CAPN15: variants seen among roughly 807,000 people sequenced by gnomAD.
The protein encoded by CAPN15 is calpain-15.
Under a neutral mutation model 97.9 loss-of-function variants are expected in CAPN15, and 53 were observed. That is an observed-to-expected ratio of 0.54 (90% CI 0.43 to 0.68). The LOEUF (loss-of-function observed/expected upper bound fraction) is 0.68, where lower values mean the gene tolerates loss of function less well. Ranked by LOEUF, CAPN15 falls within the 30% of genes least tolerant of loss-of-function variation. The probability of loss-of-function intolerance (pLI) is 0.00; values close to 1 mark genes in which losing one functional copy is unlikely to be tolerated. For missense variants in CAPN15, 1,592 were observed against 1,589.8 expected, an observed-to-expected ratio of 1.00 and a Z score of -0.02; for synonymous variants, 922 against 722.5, an observed-to-expected ratio of 1.28 and a Z score of -4.43.
intron 3 of CAPN15, among the ~76,000 whole-genome samples, chr16:542,205 G>A (rs1429411304): frequency 1.3e-5 from 2 of 152,264 alleles, no homozygotes; most frequent in African/African-American, 4.8e-5. Context: ...TGGACGCTAG[G>A]ACTGCTTCCA....
chr16:539,942 C>A, intron 3 of CAPN15: 1 of 390,914 alleles, frequency 2.6e-6, no homozygotes, highest in Non-Finnish European at 3.5e-6. Flanking sequence ...CGAAGTCGGG[C>A]CGCAGGCCCT....
Position 554,328 on chromosome 16 carries a change from C to T in CAPN15, c.*812C>T, listed in dbSNP as rs1401899277. Reference sequence around the variant, plus strand: ...CCACAGAAGCCCAGGAGTGTGTGGACGTCTGAGCCCAGCTTTCTGCGTGCC... The same window carrying T: ...CCACAGAAGCCCAGGAGTGTGTGGATGTCTGAGCCCAGCTTTCTGCGTGCC... On this transcript the variant is annotated 3_prime_UTR_variant, in exon 14 of 14. Coordinates refer to ENST00000219611, the MANE Select transcript of CAPN15 (RefSeq NM_005632.3). 1.9e-5 allele frequency: 7 copies of T among 367,066 alleles called. No individual in the cohort carries two copies. The highest frequency in any genetic ancestry group is 7.3e-5 in the East Asian group (1 of 13,772). The allele number at this position is 367,066 out of a possible 1,614,324, so 22.7% of individuals were successfully genotyped here. A position where few individuals can be genotyped will look rare whatever the true frequency, so the allele number is the denominator to read the frequency against.
intron 1 of CAPN15, among the ~76,000 whole-genome samples, chr16:529,594 C>T (rs558519160): frequency 4.5e-4 from 69 of 152,348 alleles, no homozygotes; most frequent in African/African-American, 1.6e-3. Flanking sequence ...AGGTGTTGTT[C>T]ATGGGCCTGA....
At chr16:528,562 C>T (rs1215652259) in intron 1 of CAPN15, among the ~76,000 whole-genome samples, 1 of 152,212 alleles carries the variant, frequency 6.6e-6, no homozygotes, top group Non-Finnish European at 1.5e-5. Context: ...GGGGCTGCTG[C>T]GGCACCAGCT....
chr16:536,992 T>C (rs945254521), intron 3 of CAPN15: 7 of 351,658 alleles, frequency 2.0e-5, no homozygotes, highest in Non-Finnish European at 2.8e-5. Context: ...ACGGGGCTCT[T>C]GACTCCTCTG....
At chr16:537,509 G>A in intron 3 of CAPN15, 5 of 926,408 alleles carry the variant, frequency 5.4e-6, no homozygotes, top group Non-Finnish European at 5.2e-6. Flanking sequence ...CACACAGAAC[G>A]GGCAGGGCTC....
In CAPN15 at chr16:547,538, C is replaced by T. The variant is rs1187584238; in HGVS notation, c.700C>T (p.Pro234Ser). The T allele has an allele frequency of 6.3e-7, 1 of 1,597,774 alleles. No homozygotes were observed. The highest frequency in any genetic ancestry group is 1.1e-5 in the South Asian group (1 of 91,024). The change falls in exon 4 of 14, where the codon CCC becomes TCC. Residue 234 changes from proline (P) to serine (S), a missense_variant. Pro to Ser is a moderately conservative substitution (Grantham distance 74). This residue lies in a region of CAPN15 where 883 missense variants were observed against 776.6 expected (regional missense o/e 1.14). Coordinates refer to ENST00000219611, the MANE Select transcript of CAPN15 (RefSeq NM_005632.3). Reference protein sequence around the residue: ...PEPPRVPPFSPFSSTLQNNPV... With the variant: ...PEPPRVPPFSSFSSTLQNNPV... Reference sequence around the variant, plus strand: ...GCCGCCCAGGGTCCCGCCCTTCAGCCCCTTCTCGTCCACCCTGCAGAACAA... The same window carrying T: ...GCCGCCCAGGGTCCCGCCCTTCAGCTCCTTCTCGTCCACCCTGCAGAACAA...
In CAPN15 at chr16:547,633, G is replaced by A. The variant is rs749893120; in HGVS notation, c.795G>A (p.Pro265=). ...LQPPVPEAAQ[P]SPSAGCRGAP... ...CACCGGTGCCTGAGGCTGCCCAGCCGTCACCCTCTGCCGGCTGCAGGGGAG... is the reference window on the plus strand; with the variant it reads ...CACCGGTGCCTGAGGCTGCCCAGCCATCACCCTCTGCCGGCTGCAGGGGAG... The change falls in exon 4 of 14, where the codon CCG becomes CCA. Residue 265 remains proline (P), a synonymous_variant. Transcript: ENST00000219611. The A allele has an allele frequency of 2.1e-5, 33 of 1,568,104 alleles. No homozygotes were observed. Among genetic ancestry groups the A allele is most frequent in the East Asian group, 1.4e-4 (6 of 44,038 alleles).
Position 553,945 on chromosome 16 carries a change from G to A in CAPN15, c.*429G>A, listed in dbSNP as rs545242676. On this transcript the variant is annotated 3_prime_UTR_variant, in exon 14 of 14. Coordinates refer to ENST00000219611, the MANE Select transcript of CAPN15 (RefSeq NM_005632.3). ...GGGACCACCCCTCACGGGGCATAAG[G>A]TCAGTTTTCCCCCAGAGCCCGGGTC... 5.8e-5 allele frequency: 11 copies of A among 189,616 alleles called. No homozygotes were observed. In the East Asian group the frequency reaches 1.8e-3, roughly 30 times the overall value. The allele number at this position is 189,616 out of a possible 1,614,324, so 11.7% of individuals were successfully genotyped here.
chr16:549,353 G>A lies in CAPN15; in HGVS notation c.1724G>A (p.Arg575His), dbSNP rs1472167786. 3.1e-6 allele frequency: 5 copies of A among 1,596,104 alleles called. No homozygotes were observed. The highest frequency in any genetic ancestry group is 1.3e-5 in the African/African-American group (1 of 74,818). Residue 575 changes from arginine to histidine, a missense_variant, in exon 6 of 14, where the codon CGC becomes CAC. By Grantham distance (29) the Arg-to-His change is conservative (BLOSUM62 0). Transcript: ENST00000219611. The part of the protein sequence containing the change: ...PDLVERVMVT[R>H]SLCAEGAYQV... Reference sequence around the variant, plus strand: ...CTGGTGGAGCGGGTGATGGTCACGCGCAGCCTGTGTGCAGAGGGCGCCTAC... The same window carrying A: ...CTGGTGGAGCGGGTGATGGTCACGCACAGCCTGTGTGCAGAGGGCGCCTAC...
chr16:551,155 GCCC>G, intron 7 of CAPN15, 144 bp from the exon 8 acceptor site: 1 of 915,722 alleles, frequency 1.1e-6, no homozygotes, highest in Non-Finnish European at 1.4e-6. Context: ...CGGTGAGGGC[GCCC>G]CGTCGGTGAG....
chr16:541,371 G>A (rs774620163), intron 3 of CAPN15, among the ~76,000 whole-genome samples: 2 of 152,200 alleles, frequency 1.3e-5, no homozygotes, highest in African/African-American at 4.8e-5. Flanking sequence ...AGGCAGGGCC[G>A]GGGAGGGGCC....
At chr16:534,232 A>AGGGCGGCCC (rs1567134547) in intron 2 of CAPN15, among the ~76,000 whole-genome samples, 29 of 39,962 alleles carry the variant, frequency 7.3e-4, no homozygotes, top group East Asian at 2.7e-3. Context: ...GGGTCCCGAC[A>AGGGCGGCCC]GGGGTGTTTG....
At chr16:532,170 G>A (rs2033310643) in intron 1 of CAPN15, among the ~76,000 whole-genome samples, 1 of 150,768 alleles carries the variant, frequency 6.6e-6, no homozygotes, top group African/African-American at 2.4e-5. Context: ...AACCTGGGAG[G>A]CGGAGGTTGC....
rs578041536 is a variant in CAPN15 at position 537,026 on chromosome 16, G to A, written c.-23+884G>A. On this transcript the variant is annotated intron_variant, in intron 3 of 13. Transcript: ENST00000219611. Reference sequence around the variant, plus strand: ...TGGCAGCGGATCGGGGCGGTTCAGCGATACCATCTCTGGAGATCCCCTGGC... The same window carrying A: ...TGGCAGCGGATCGGGGCGGTTCAGCAATACCATCTCTGGAGATCCCCTGGC... The A allele has an allele frequency of 1.6e-4, 92 of 565,324 alleles. No individual in the cohort carries two copies. The African/African-American group carries it at 1.6e-3, about 10-fold the overall frequency. 35.0% of individuals were successfully genotyped at this position (565,324 alleles called of 1,614,324 possible). A position where few individuals can be genotyped will look rare whatever the true frequency, so the allele number is the denominator to read the frequency against.
rs1168958574 is a variant in CAPN15 at position 552,231 on chromosome 16, C to T, written c.2507+19C>T. 17 of 1,532,034 alleles carry T rather than the reference C, an allele frequency of 1.1e-5. No homozygotes were observed. Among genetic ancestry groups the T allele is most frequent in the Middle Eastern group, 1.8e-4 (1 of 5,534 alleles). The allele number at this position is 1,532,034 out of a possible 1,614,324, so 94.9% of individuals were successfully genotyped here. A position where few individuals can be genotyped will look rare whatever the true frequency, so the allele number is the denominator to read the frequency against. ...GCAGCAGGTGGGTGCTGCGGGGCCCCATCGGGCTGGGCTGGGCTAGGCTGG... is the reference window on the plus strand; with the variant it reads ...GCAGCAGGTGGGTGCTGCGGGGCCCTATCGGGCTGGGCTGGGCTAGGCTGG... On this transcript the variant is annotated intron_variant, in intron 10 of 13. Transcript: ENST00000219611. The surrounding 1 kb of genome is among the most constrained non-coding windows in gnomAD (Gnocchi z 6.4).
chr16:540,140 G>GCCAGAGGTGA, intron 3 of CAPN15: 4 of 985,496 alleles, frequency 4.1e-6, no homozygotes, highest in Non-Finnish European at 4.8e-6. Context: ...CCCGCTGCTG[G>GCCAGAGGTGA]CCAGAGGTGA....
At chr16:540,066 A>G in intron 3 of CAPN15, 2 of 984,492 alleles carry the variant, frequency 2.0e-6, no homozygotes, top group Non-Finnish European at 2.4e-6. Context: ...CTGTCTGTTT[A>G]TTTTTGTTGT....
rs759405146 is a variant in CAPN15, at chr16:552,303, G to A, written c.2510G>A (p.Arg837His). 107 of 1,554,266 alleles carry A rather than the reference G, an allele frequency of 6.9e-5. No homozygotes were observed. The highest frequency in any genetic ancestry group is 1.7e-4 in the Middle Eastern group (1 of 6,012). ...EFALFQEGSR[R>H]SDAVDSHLLD... Reference sequence around the variant, plus strand: ...CTGGCCCGTGGTGTCTGGCGCAGGCGCTCGGACGCCGTGGACAGCCACCTG... The same window carrying A: ...CTGGCCCGTGGTGTCTGGCGCAGGCACTCGGACGCCGTGGACAGCCACCTG... Residue 837 changes from arginine to histidine, a missense_variant and splice_region_variant, in exon 11 of 14, where the codon CGC becomes CAC. Transcript: ENST00000219611. The surrounding 1 kb of genome is among the most constrained non-coding windows in gnomAD (Gnocchi z 6.4).
Sources: gnomAD v4.1 joint callset for allele counts (sites outside exome capture counted in the v4.1 genomes callset) on GRCh38, gnomAD v4.1.1 for gene constraint, gnomAD v4.1.1 regional missense constraint, Gnocchi (gnomAD v3.1) non-coding constraint, MANE v1.5 for transcripts, NCBI Gene and HGNC (gene_info 2026-07-23, HGNC 2026-07-21) for gene names.